The following ANP32B variants were observed in gnomAD, a reference collection of about 807,000 sequenced individuals.
ANP32B encodes the protein acidic leucine-rich nuclear phosphoprotein 32 family member B.
ANP32B carries 6 observed loss-of-function variants against 32.2 expected under a neutral mutation model. The observed-to-expected ratio is 0.19, with a 90% CI of 0.10 to 0.37. ANP32B has a LOEUF of 0.37. ANP32B is among the 10% of genes least tolerant of loss of function. The pLI is 1.00. For missense variants in ANP32B, 204 were observed against 289.2 expected (o/e 0.71, Z 2.14); for synonymous variants, 98 against 105.8 (o/e 0.93, Z 0.45).
chr9:98,000,086 C>T (rs1827964872), intron 3 of ANP32B, among the ~76,000 whole-genome samples: 2 of 152,182 alleles, frequency 1.3e-5, no homozygotes. Flanking sequence ...CCTTCCTAAA[C>T]AATTATTGAG....
intron 4 of ANP32B, among the ~76,000 whole-genome samples, chr9:98,007,254 G>A (rs1828101767): frequency 6.6e-6 from 1 of 152,210 alleles, no homozygotes; most frequent in African/African-American, 2.4e-5. Flanking sequence ...AGTTGATCCT[G>A]CCTGCTGCTA....
chr9:98,003,659 A>C (rs1159147490), intron 3 of ANP32B, among the ~76,000 whole-genome samples: 1 of 152,190 alleles, frequency 6.6e-6, no homozygotes, highest in East Asian at 1.9e-4. Flanking sequence ...TTTTGTCTGC[A>C]TTTCTTCTCA....
chr9:97,986,922 CTT>C (rs1352828654), intron 1 of ANP32B: 2 of 152,162 alleles, frequency 1.3e-5, no homozygotes, highest in Non-Finnish European at 2.9e-5. Context: ...TAAATATGTT[CTT>C]ACGTTTAAGA....
intron 5 of ANP32B, 141 bp from the exon 6 acceptor site, chr9:98,012,280 A>C (rs1347994320): frequency 1.6e-5 from 17 of 1,068,616 alleles, no homozygotes; most frequent in Non-Finnish European, 2.2e-5. Flanking sequence ...ACATCAAAGT[A>C]GATAAAAATA....
At chr9:97,988,906 A>C (rs962374253) in intron 1 of ANP32B, among the ~76,000 whole-genome samples, 1 of 152,208 alleles carries the variant, frequency 6.6e-6, no homozygotes, top group Non-Finnish European at 1.5e-5. Flanking sequence ...TCTAATTAAA[A>C]GAATTGACAA....
intron 1 of ANP32B, among the ~76,000 whole-genome samples, chr9:97,988,866 T>G (rs746290297): frequency 1.1e-4 from 16 of 152,232 alleles, no homozygotes; most frequent in Non-Finnish European, 1.8e-4. Flanking sequence ...ATTTTGGGAT[T>G]ATTTCACTTA....
chr9:97,991,126 CT>C (rs566405365), intron 1 of ANP32B, among the ~76,000 whole-genome samples: 154 of 144,114 alleles, frequency 1.1e-3, no homozygotes, highest in Admixed American at 1.6e-3. Flanking sequence ...CCCAGCCAAA[CT>C]TTTTTTTTTT....
In ANP32B at chr9:98,015,717, G is replaced by A; in HGVS notation, c.*286G>A. The A allele has an allele frequency of 9.5e-7, 1 of 1,057,808 alleles. No homozygotes were observed. Among genetic ancestry groups the A allele is most frequent in the Non-Finnish European group, 1.1e-6 (1 of 875,286 alleles). The allele number at this position is 1,057,808 out of a possible 1,614,324, so 65.5% of individuals were successfully genotyped here. ...TAGCGTGGATAGCTGTGATTGGTGA[G>A]TCAACCGTCTGTGGCTACCAGTTAC... On this transcript the variant is annotated 3_prime_UTR_variant, in exon 7 of 7. Transcript: ENST00000339399.
intron 4 of ANP32B, among the ~76,000 whole-genome samples, chr9:98,008,362 G>T (rs1004830099): frequency 2.6e-5 from 4 of 152,168 alleles, no homozygotes; most frequent in African/African-American, 9.7e-5. Context: ...AAAAGAGTTT[G>T]AGCATTACTT....
chr9:98,010,994 T>C (rs1828173982), intron 4 of ANP32B, among the ~76,000 whole-genome samples: 1 of 152,128 alleles, frequency 6.6e-6, no homozygotes, highest in Non-Finnish European at 1.5e-5. Context: ...CTTACCTTCT[T>C]CCCCACTCCA....
intron 1 of ANP32B, chr9:97,987,463 A>C (rs1244269827): frequency 6.6e-6 from 1 of 152,258 alleles, no homozygotes; most frequent in Non-Finnish European, 1.5e-5. Flanking sequence ...AGACACTGAC[A>C]TGCAGTAGCT....
chr9:97,987,851 G>A (rs1827763185), intron 1 of ANP32B, among the ~76,000 whole-genome samples: 1 of 152,038 alleles, frequency 6.6e-6, no homozygotes. Flanking sequence ...CTCTTTTGTT[G>A]TGTCTACTGT....
At chr9:97,988,310 A>G (rs1827770869) in intron 1 of ANP32B, among the ~76,000 whole-genome samples, 1 of 151,792 alleles carries the variant, frequency 6.6e-6, no homozygotes, top group Non-Finnish European at 1.5e-5. Flanking sequence ...TTTTTTTTCC[A>G]TCTGCCAGAT....
At chr9:97,988,650 C>G (rs918845093) in intron 1 of ANP32B, among the ~76,000 whole-genome samples, 1 of 152,036 alleles carries the variant, frequency 6.6e-6, no homozygotes, top group African/African-American at 2.4e-5. Flanking sequence ...GCTTGAACCC[C>G]GGGGACAGAG....
chr9:97,986,935 C>A (rs1427680335), intron 1 of ANP32B: 1 of 152,164 alleles, frequency 6.6e-6, no homozygotes, highest in African/African-American at 2.4e-5. Flanking sequence ...ACGTTTAAGA[C>A]CAGATGGGCT....
At chr9:97,991,070 C>T (rs1587871966) in intron 1 of ANP32B, among the ~76,000 whole-genome samples, 2 of 151,818 alleles carry the variant, frequency 1.3e-5, no homozygotes, top group East Asian at 1.9e-4. Context: ...GATCTGCCCG[C>T]CTCAGCCTCC....
intron 1 of ANP32B, among the ~76,000 whole-genome samples, chr9:97,983,962 C>G (rs1038839399): frequency 4.0e-5 from 6 of 151,104 alleles, no homozygotes; most frequent in African/African-American, 1.5e-4. Context: ...TTTGCAGCCT[C>G]CCGGGATGCG....
At chr9:97,985,029 C>A (rs1244751023) in intron 1 of ANP32B, among the ~76,000 whole-genome samples, 1 of 150,608 alleles carries the variant, frequency 6.6e-6, no homozygotes, top group Admixed American at 6.6e-5. Context: ...TTGCCCCATT[C>A]GTCTCCCGGG....
chr9:97,998,040 A>G (rs1827932334), intron 2 of ANP32B, among the ~76,000 whole-genome samples: 1 of 152,180 alleles, frequency 6.6e-6, no homozygotes, highest in Non-Finnish European at 1.5e-5. Context: ...TTATGGGCTT[A>G]CTTGTAGGGC....
Sources: gnomAD v4.1 joint callset for allele counts (sites outside exome capture counted in the v4.1 genomes callset) on GRCh38, gnomAD v4.1.1 for gene constraint, MANE v1.5 for transcripts, NCBI Gene and HGNC (gene_info 2026-07-23, HGNC 2026-07-21) for gene names.